Variants in VAV2 observed in about 807,000 individuals in gnomAD.
VAV2 encodes vav guanine nucleotide exchange factor 2.
Under a neutral mutation model 132.5 loss-of-function variants are expected in VAV2, and 67 were observed. The observed-to-expected ratio is 0.51, with a 90% CI of 0.42 to 0.62. The LOEUF is 0.62. Among genes scored for constraint, VAV2 ranks in the 20% least tolerant of loss-of-function variants. VAV2 has a pLI of 0.00. For synonymous variants in VAV2, 492 were observed against 443.5 expected (o/e 1.11, Z -1.37); for missense variants, 938 against 1,153.6 (o/e 0.81, Z 2.71).
At chr9:133,915,565 T>C (rs1440643180) in intron 2 of VAV2, among the ~76,000 whole-genome samples, 1 of 148,248 alleles carries the variant, frequency 6.7e-6, no homozygotes, top group East Asian at 2.0e-4. Flanking sequence ...GAAAAACTGG[T>C]GCCAGTCTCA....
rs997795096 is a variant in VAV2 at position 133,987,905 on chromosome 9, A to G, written c.204+4170T>C. Among the ~76,000 whole-genome samples, 3 of 152,326 alleles carry G rather than the reference A, an allele frequency of 2.0e-5. No homozygotes were observed. In the East Asian group the frequency reaches 5.8e-4, roughly 29 times the overall value. On this transcript the variant is annotated intron_variant, in intron 1 of 29. Transcript: ENST00000371850. ...CCTGCCAGCTTCAGAAGAAATGACC[A>G]GGTGGGCAACTGGGATCTCTGTGAC...
chr9:133,952,717 C>T (rs575392349), intron 1 of VAV2, among the ~76,000 whole-genome samples: 2 of 152,256 alleles, frequency 1.3e-5, no homozygotes, highest in East Asian at 3.9e-4. Context: ...GGCCGTGTGA[C>T]GACAGAGGCA....
intron 25 of VAV2, among the ~76,000 whole-genome samples, chr9:133,772,478 C>A (rs1255561166): frequency 6.6e-6 from 1 of 152,176 alleles, no homozygotes; most frequent in African/African-American, 2.4e-5. Flanking sequence ...AGGTGCCGAG[C>A]GCAAGCCTGT....
chr9:133,817,844 T>C (rs1835621509), intron 4 of VAV2, among the ~76,000 whole-genome samples: 1 of 152,198 alleles, frequency 6.6e-6, no homozygotes, highest in Non-Finnish European at 1.5e-5. Context: ...CGTTTTCCTC[T>C]AAGTCCGTGA....
In VAV2 at chr9:133,788,974, G is replaced by A. The variant is rs1038062366; in HGVS notation, c.1274+284C>T. The stretch of plus-strand genomic sequence containing the variant: ...CATCCGACCACTCTGGGCCTGTCTT[G>A]GGTTCCTGGAGGCTGAGCATTGGCA... On this transcript the variant is annotated intron_variant, in intron 14 of 29. Transcript: ENST00000371850. The surrounding 1 kb of genome is among the most constrained non-coding windows in gnomAD (Gnocchi z 5.3). Among the ~76,000 whole-genome samples the A allele has an allele frequency of 2.0e-5, 3 of 152,246 alleles. No individual in the cohort carries two copies. The highest frequency in any genetic ancestry group is 7.2e-5 in the African/African-American group (3 of 41,472).
intron 1 of VAV2, among the ~76,000 whole-genome samples, chr9:133,948,005 C>G (rs1025451127): frequency 6.6e-6 from 1 of 152,012 alleles, no homozygotes; most frequent in African/African-American, 2.4e-5. Flanking sequence ...TGGCCAGGCT[C>G]GTCTCAAACT....
At chr9:133,976,566 T>A (rs574258345) in intron 1 of VAV2, among the ~76,000 whole-genome samples, 2 of 152,334 alleles carry the variant, frequency 1.3e-5, no homozygotes, top group Admixed American at 1.3e-4. Flanking sequence ...GTACACACAA[T>A]GCCACAAACC....
chr9:133,932,061 T>A (rs1840708240), intron 2 of VAV2, among the ~76,000 whole-genome samples: 1 of 151,706 alleles, frequency 6.6e-6, no homozygotes, highest in Admixed American at 6.6e-5. Flanking sequence ...ATCTGCAGAG[T>A]CCAGGGACCA....
At position 133,788,444 on chromosome 9, in the gene VAV2, C is replaced by A; in HGVS notation, c.1317G>T (p.Arg439=). The A allele has an allele frequency of 6.2e-7, 1 of 1,612,132 alleles. No individual in the cohort carries two copies. Among genetic ancestry groups the A allele is most frequent in the South Asian group, 1.1e-5 (1 of 91,026 alleles). The change falls in exon 15 of 30, where the codon CGG becomes CGT. Residue 439 remains arginine, a synonymous_variant. Coordinates refer to ENST00000371850, the MANE Select transcript of VAV2 (RefSeq NM_001134398.2). This position sits in a 1 kb window ranked among gnomAD's most constrained non-coding sequence, Gnocchi z 5.3. The part of the protein sequence containing the change: ...LFDKVVIVCK[R]KGYSYELKEI... ...CCTTGAGCTCGTAGCTGTAGCCCTT[C>A]CGCTTGCAGACGATGACCACCTTGT...
intron 3 of VAV2, among the ~76,000 whole-genome samples, chr9:133,843,074 C>A (rs771960595): frequency 6.6e-6 from 1 of 152,196 alleles, no homozygotes; most frequent in African/African-American, 2.4e-5. Flanking sequence ...CTTTCCTCAG[C>A]GCGCCATCCC....
At chr9:133,900,020 CAAAA>C (rs754344670) in intron 2 of VAV2, among the ~76,000 whole-genome samples, 22 of 120,288 alleles carry the variant, frequency 1.8e-4, no homozygotes, top group African/African-American at 5.9e-4. Context: ...GACTCCATCT[CAAAA>C]AAAATAAATA....
chr9:133,936,379 A>T (rs1840909348), intron 2 of VAV2, among the ~76,000 whole-genome samples: 1 of 151,640 alleles, frequency 6.6e-6, no homozygotes, highest in Non-Finnish European at 1.5e-5. Flanking sequence ...AGTAGCTGGG[A>T]TTACATACGC....
chr9:133,932,938 A>G (rs997236168), intron 2 of VAV2, among the ~76,000 whole-genome samples: 6 of 152,194 alleles, frequency 3.9e-5, no homozygotes, highest in Admixed American at 6.5e-5. Context: ...TCCCCTCCCA[A>G]TGCTCCTCCT....
chr9:133,795,704 C>T lies in VAV2; in HGVS notation c.1065G>A (p.Glu355=), dbSNP rs770026229. Residue 355 remains glutamate, a synonymous_variant, in exon 12 of 30, where the codon GAG becomes GAA. Transcript: ENST00000371850. ...CCAGTGCTTCTTTGAGCTGCTGCCT[C>T]TCAGGCCGTTCCGCAGAATGGCTCA... ...ELLSHSAERP[E]RQQLKEALEA... 1 of 1,614,078 alleles carries T rather than the reference C, an allele frequency of 6.2e-7. No individual in the cohort carries two copies. Among genetic ancestry groups the T allele is most frequent in the Non-Finnish European group, 8.5e-7 (1 of 1,180,008 alleles).
chr9:133,817,277 G>A (rs1257397623), intron 4 of VAV2, among the ~76,000 whole-genome samples: 1 of 152,174 alleles, frequency 6.6e-6, no homozygotes, highest in African/African-American at 2.4e-5. Flanking sequence ...AATAATACCC[G>A]TGTTAGACGT....
intron 2 of VAV2, among the ~76,000 whole-genome samples, chr9:133,933,902 GTGGA>G (rs1380418941): frequency 7.5e-6 from 1 of 133,792 alleles, no homozygotes; most frequent in African/African-American, 2.8e-5. Context: ...GGATGGATGG[GTGGA>G]TGGATGGATG....
rs1273755465 is a variant in VAV2 at position 133,788,514 on chromosome 9, A to G, written c.1275-28T>C. ...GGGCCAGGCAGCGCAGCGGGGGATC[A>G]GCACCCCAGCACTGTGTGCTCTGCT... On this transcript the variant is annotated intron_variant, in intron 14 of 29. Transcript: ENST00000371850. This position sits in a 1 kb window ranked among gnomAD's most constrained non-coding sequence, Gnocchi z 5.3. 1.9e-6 allele frequency: 3 copies of G among 1,587,194 alleles called. No individual in the cohort carries two copies. Among genetic ancestry groups the G allele is most frequent in the Non-Finnish European group, 2.6e-6 (3 of 1,158,452 alleles).
At chr9:133,846,097 T>C (rs1456781315) in intron 3 of VAV2, among the ~76,000 whole-genome samples, 1 of 152,204 alleles carries the variant, frequency 6.6e-6, no homozygotes, top group Non-Finnish European at 1.5e-5. Flanking sequence ...AAGCTCCCGA[T>C]AGCCCCACAA....
chr9:133,797,953 T>G, intron 9 of VAV2, 144 bp from the exon 10 acceptor site: 1 of 670,886 alleles, frequency 1.5e-6, no homozygotes, highest in Non-Finnish European at 2.4e-6. Context: ...CGTGGACACA[T>G]TCAACGGCCA....
Sources: allele counts gnomAD v4.1 joint callset (sites outside exome capture counted in the v4.1 genomes callset), GRCh38; gene constraint gnomAD v4.1.1; non-coding constraint Gnocchi (gnomAD v3.1); transcripts MANE v1.5; gene names NCBI Gene and HGNC (gene_info 2026-07-23, HGNC 2026-07-21).